Variants in UBE2QL1 observed in about 807,000 individuals in gnomAD.
UBE2QL1 encodes the protein ubiquitin conjugating enzyme E2 QL1, also known as ubiquitin-conjugating enzyme E2Q-like protein 1.
UBE2QL1 carries 5 observed loss-of-function variants against 12.6 expected under a neutral mutation model. That is an observed-to-expected ratio of 0.40 (90% confidence interval 0.21 to 0.83). The LOEUF (loss-of-function observed/expected upper bound fraction) is 0.83. UBE2QL1 is among the 40% of genes least tolerant of loss of function. The pLI, the probability that UBE2QL1 is intolerant of heterozygous loss-of-function variation, is 0.37. For synonymous variants in UBE2QL1, 96 were observed against 94.5 expected (o/e 1.02, Z -0.10); for missense variants, 99 against 222.6 (o/e 0.44, Z 3.53).
chr5:6,469,060 TG>T (rs1188950311), intron 1 of UBE2QL1, among the ~76,000 whole-genome samples: 1 of 152,204 alleles, frequency 6.6e-6, no homozygotes, highest in African/African-American at 2.4e-5. Flanking sequence ...ACGTTCTTCT[TG>T]TTTGGTCAGC....
At chr5:6,456,290 G>A (rs577616077) in intron 1 of UBE2QL1, among the ~76,000 whole-genome samples, 13 of 152,310 alleles carry the variant, frequency 8.5e-5, no homozygotes, top group South Asian at 4.1e-4. Context: ...GGTATATAGT[G>A]GGGACATGGG....
chr5:6,453,264 T>G (rs2126320435), intron 1 of UBE2QL1, among the ~76,000 whole-genome samples: 1 of 152,282 alleles, frequency 6.6e-6, no homozygotes, highest in African/African-American at 2.4e-5. Context: ...TCATAACAGC[T>G]CATGAGTGGC....
rs539487364 is a variant in UBE2QL1, at chr5:6,478,353, G to T, written c.355-12865G>T. The stretch of plus-strand genomic sequence containing the variant: ...CATGGCTTGGAAAGAGACCACAGCC[G>T]TGAACTGCCACCATCAAGCGCAAAG... On this transcript the variant is annotated intron_variant, in intron 1 of 1. Coordinates refer to ENST00000399816, the MANE Select transcript of UBE2QL1 (RefSeq NM_001145161.3). This position sits in a 1 kb window ranked among gnomAD's most constrained non-coding sequence, Gnocchi z 4.5. Among the ~76,000 whole-genome samples, 15 of 152,344 alleles carry T rather than the reference G, an allele frequency of 9.8e-5. No homozygotes were observed. The highest frequency in any genetic ancestry group is 3.4e-4 in the African/African-American group (14 of 41,574).
chr5:6,488,701 G>A (rs1451610890), intron 1 of UBE2QL1, among the ~76,000 whole-genome samples: 1 of 151,862 alleles, frequency 6.6e-6, no homozygotes, highest in Non-Finnish European at 1.5e-5. Context: ...CTGGGAGGCT[G>A]AGGCAGGAGG....
intron 1 of UBE2QL1, among the ~76,000 whole-genome samples, chr5:6,453,849 G>A (rs182821078): frequency 2.6e-5 from 4 of 152,246 alleles, no homozygotes; most frequent in East Asian, 3.9e-4. Flanking sequence ...AGCCTGTTGG[G>A]CTCCTAAAAT....
chr5:6,469,603 G>T (rs1399706301), intron 1 of UBE2QL1, among the ~76,000 whole-genome samples: 1 of 148,576 alleles, frequency 6.7e-6, no homozygotes, highest in Non-Finnish European at 1.5e-5. Context: ...CACACACTAA[G>T]GCTCTTTGTA....
At position 6,480,446 on chromosome 5, in the gene UBE2QL1, A is replaced by G. The variant is rs74606532; in HGVS notation, c.355-10772A>G. On this transcript the variant is annotated intron_variant, in intron 1 of 1. Coordinates refer to ENST00000399816, the MANE Select transcript of UBE2QL1 (RefSeq NM_001145161.3). Reference sequence around the variant, plus strand: ...CCACCACGATGTCACTAATGAGCGTATCTGTCACTTACCTGTCTTAAAGTG... The same window carrying G: ...CCACCACGATGTCACTAATGAGCGTGTCTGTCACTTACCTGTCTTAAAGTG... 3.1e-4 allele frequency among the ~76,000 whole-genome samples: 47 copies of G among 152,364 alleles called. No individual in the cohort carries two copies. The East Asian group carries it at 8.7e-3, about 28-fold the overall frequency.
chr5:6,463,082 A>G (rs1475923528), intron 1 of UBE2QL1, among the ~76,000 whole-genome samples: 1 of 152,240 alleles, frequency 6.6e-6, no homozygotes, highest in Non-Finnish European at 1.5e-5. Context: ...TAATTACAGC[A>G]AAGATTGGTA....
At chr5:6,490,787 G>A (rs1337732687) in intron 1 of UBE2QL1, among the ~76,000 whole-genome samples, 1 of 152,144 alleles carries the variant, frequency 6.6e-6, no homozygotes, top group Admixed American at 6.5e-5. Context: ...ATAATTAAAG[G>A]CATTCTTTTG....
intron 1 of UBE2QL1, among the ~76,000 whole-genome samples, chr5:6,487,768 G>A (rs911731159): frequency 4.6e-5 from 7 of 152,348 alleles, no homozygotes; most frequent in Non-Finnish European, 7.3e-5. Context: ...CATGGGTATC[G>A]TCTGCACTTG....
intron 1 of UBE2QL1, among the ~76,000 whole-genome samples, chr5:6,468,039 C>A (rs1037726691): frequency 2.0e-5 from 3 of 152,190 alleles, no homozygotes; most frequent in African/African-American, 7.2e-5. Flanking sequence ...GATCCATCTT[C>A]TTTGGCACTT....
chr5:6,481,464 G>T lies in UBE2QL1; in HGVS notation c.355-9754G>T, dbSNP rs1370458515. The stretch of plus-strand genomic sequence containing the variant: ...CCTATGGCTAGAGAGCAGAGAGGGG[G>T]CACGCTCCCCTCCCCGCACACCTCT... On this transcript the variant is annotated intron_variant, in intron 1 of 1. Coordinates refer to ENST00000399816, the MANE Select transcript of UBE2QL1 (RefSeq NM_001145161.3). The surrounding 1 kb of genome is among the most constrained non-coding windows in gnomAD (Gnocchi z 4.5). Among the ~76,000 whole-genome samples, 2 of 152,164 alleles carry T rather than the reference G, an allele frequency of 1.3e-5. No individual in the cohort carries two copies. Among genetic ancestry groups the T allele is most frequent in the African/African-American group, 4.8e-5 (2 of 41,424 alleles).
chr5:6,475,303 C>G (rs1000936922), intron 1 of UBE2QL1, among the ~76,000 whole-genome samples: 1 of 152,182 alleles, frequency 6.6e-6, no homozygotes, highest in African/African-American at 2.4e-5. Flanking sequence ...AGCTTTTCAA[C>G]CAGAGACTAG....
intron 1 of UBE2QL1, among the ~76,000 whole-genome samples, chr5:6,482,588 C>T (rs1221328891): frequency 1.3e-5 from 2 of 150,630 alleles, no homozygotes; most frequent in Non-Finnish European, 3.0e-5. Flanking sequence ...CCACAGTCCA[C>T]TCTAGAGCAC....
chr5:6,450,759 T>G (rs1739397470), intron 1 of UBE2QL1, among the ~76,000 whole-genome samples: 1 of 152,210 alleles, frequency 6.6e-6, no homozygotes, highest in Non-Finnish European at 1.5e-5. Context: ...AGTCCTTCTT[T>G]TCTAAGGTTT....
Position 6,496,483 on chromosome 5 carries a change from C to T in UBE2QL1, c.*5134C>T, listed in dbSNP as rs1248751549. Among the ~76,000 whole-genome samples the T allele has an allele frequency of 1.3e-5, 2 of 152,210 alleles. No individual in the cohort carries two copies. The highest frequency in any genetic ancestry group is 2.4e-5 in the African/African-American group (1 of 41,450). On this transcript the variant is annotated 3_prime_UTR_variant, in exon 2 of 2. Coordinates refer to ENST00000399816, the MANE Select transcript of UBE2QL1 (RefSeq NM_001145161.3). ...CCATGAGTGACTGCGAACTTTCAGA[C>T]TCTCACCGCAATTCATGGGGAGACT...
intron 1 of UBE2QL1, among the ~76,000 whole-genome samples, chr5:6,466,483 G>A (rs1739797427): frequency 1.3e-5 from 2 of 152,246 alleles, no homozygotes. Context: ...TCCCCCAGGT[G>A]GGGCTGGGCA....
At chr5:6,486,593 C>G (rs554218104) in intron 1 of UBE2QL1, among the ~76,000 whole-genome samples, 2 of 152,282 alleles carry the variant, frequency 1.3e-5, no homozygotes, top group East Asian at 3.9e-4. Context: ...GTCATACTGT[C>G]TGGGTTATAA....
intron 1 of UBE2QL1, among the ~76,000 whole-genome samples, chr5:6,483,680 C>T (rs992249681): frequency 6.6e-6 from 1 of 152,172 alleles, no homozygotes; most frequent in Non-Finnish European, 1.5e-5. Flanking sequence ...GAATGGGTTT[C>T]CCAGTGCATT....
Sources: gnomAD v4.1 joint callset for allele counts (sites outside exome capture counted in the v4.1 genomes callset) on GRCh38, gnomAD v4.1.1 for gene constraint, Gnocchi (gnomAD v3.1) non-coding constraint, MANE v1.5 for transcripts, NCBI Gene and HGNC (gene_info 2026-07-23, HGNC 2026-07-21) for gene names.